The following LIMA1 variants were observed in gnomAD, a reference collection of about 807,000 sequenced individuals.
LIMA1 encodes the protein LIM domain and actin-binding protein 1.
A neutral mutation model predicts 62.6 loss-of-function variants in LIMA1; 52 were observed. The observed-to-expected ratio is 0.83, with a 90% CI of 0.67 to 1.05. The LOEUF (loss-of-function observed/expected upper bound fraction) is 1.05, where lower values mean the gene tolerates loss of function less well. Among genes scored for constraint, LIMA1 ranks in the 50% least tolerant of loss-of-function variants. The probability of loss-of-function intolerance (pLI) is 0.00; values close to 1 mark genes in which losing one functional copy is unlikely to be tolerated. For synonymous variants in LIMA1, 302 were observed against 317.8 expected, an observed-to-expected ratio of 0.95 and a Z score of 0.53; for missense variants, 780 against 902.2, an observed-to-expected ratio of 0.86 and a Z score of 1.74.
intron 2 of LIMA1, among the ~76,000 whole-genome samples, chr12:50,234,947 G>A (rs1941668962): frequency 6.6e-6 from 1 of 152,034 alleles, no homozygotes; most frequent in Admixed American, 6.6e-5. Flanking sequence ...GGAGGTTGAG[G>A]CTGCAGCGAG....
chr12:50,185,119 T>C (rs575083803), intron 9 of LIMA1, among the ~76,000 whole-genome samples: 2 of 152,194 alleles, frequency 1.3e-5, no homozygotes, highest in Non-Finnish European at 2.9e-5. Context: ...TGTGAGCCAC[T>C]GCGCCTGGCC....
At chr12:50,231,069 GT>G (rs34957964) in intron 3 of LIMA1, among the ~76,000 whole-genome samples, 2 of 152,096 alleles carry the variant, frequency 1.3e-5, no homozygotes, top group Admixed American at 6.6e-5. Flanking sequence ...AAACATATGA[GT>G]TTTTTTCCTC....
chr12:50,264,190 T>C (rs1271459402), intron 1 of LIMA1, among the ~76,000 whole-genome samples: 3 of 151,892 alleles, frequency 2.0e-5, no homozygotes, highest in Non-Finnish European at 4.4e-5. Flanking sequence ...GAAAAAGAAT[T>C]AGTGGTTGCC....
At chr12:50,211,583 T>A (rs1941258175) in intron 4 of LIMA1, among the ~76,000 whole-genome samples, 1 of 151,968 alleles carries the variant, frequency 6.6e-6, no homozygotes. Context: ...AAGTCGAGGC[T>A]GTAGTGACCT....
chr12:50,181,903 C>T lies in LIMA1; in HGVS notation c.1274+1G>A. On this transcript the variant is annotated splice_donor_variant, in intron 10 of 10. Coordinates refer to ENST00000341247, the MANE Select transcript of LIMA1 (RefSeq NM_016357.5). LOFTEE classifies it high-confidence loss of function. ...AGATGGCTTGTTTTGGGCTGACTTA[C>T]CTGAGTTTGTTGTTGCAATAGGAGC... 1 of 1,614,042 alleles carries T rather than the reference C, an allele frequency of 6.2e-7. No individual in the cohort carries two copies. Among genetic ancestry groups the T allele is most frequent in the Non-Finnish European group, 8.5e-7 (1 of 1,180,006 alleles).
intron 2 of LIMA1, among the ~76,000 whole-genome samples, chr12:50,235,164 G>C (rs932080716): frequency 3.3e-5 from 5 of 151,614 alleles, no homozygotes; most frequent in Admixed American, 1.3e-4. Flanking sequence ...AAACTCCTGA[G>C]CTCAAGTGAT....
At position 50,184,373 on chromosome 12, in the gene LIMA1, T is replaced by C. The variant is rs572875038; in HGVS notation, c.1141-2336A>G. 5.3e-4 allele frequency among the ~76,000 whole-genome samples: 80 copies of C among 152,358 alleles called. 2 individuals are homozygous for C. The South Asian group carries it at 0.016, about 30-fold the overall frequency. On this transcript the variant is annotated intron_variant, in intron 9 of 10. Coordinates refer to ENST00000341247, the MANE Select transcript of LIMA1 (RefSeq NM_016357.5). The stretch of plus-strand genomic sequence containing the variant: ...TAGGAGATACACTGGCCAGGTGCGA[T>C]GGCCCAGGCCTGTAATCCCAGCACT...
chr12:50,189,701 A>G (rs139167644), intron 9 of LIMA1: 9 of 152,310 alleles, frequency 5.9e-5, no homozygotes, highest in African/African-American at 1.9e-4. Flanking sequence ...GACGACTTTT[A>G]AAACTTGGGT....
chr12:50,230,555 GT>G (rs1338375047), intron 3 of LIMA1, among the ~76,000 whole-genome samples: 1 of 152,034 alleles, frequency 6.6e-6, no homozygotes, highest in East Asian at 1.9e-4. Context: ...AGTAATGGTA[GT>G]TTTTTCTTTT....
chr12:50,234,197 C>A (rs1188245617), intron 2 of LIMA1: 1 of 425,066 alleles, frequency 2.4e-6, no homozygotes, highest in Non-Finnish European at 4.7e-6. Flanking sequence ...AATCTCCAGA[C>A]CACCCAGAAC....
At chr12:50,193,196 G>A (rs1417246037) in intron 8 of LIMA1, among the ~76,000 whole-genome samples, 1 of 151,802 alleles carries the variant, frequency 6.6e-6, no homozygotes. Flanking sequence ...AAAATATTAA[G>A]GCTTATTTTT....
chr12:50,196,349 T>C (rs1940930621), intron 7 of LIMA1, among the ~76,000 whole-genome samples: 1 of 152,220 alleles, frequency 6.6e-6, no homozygotes, highest in African/African-American at 2.4e-5. Context: ...TACATCCTGC[T>C]GAAACGAGCT....
intron 1 of LIMA1, among the ~76,000 whole-genome samples, chr12:50,253,362 A>C (rs1941953946): frequency 6.6e-6 from 1 of 152,202 alleles, no homozygotes; most frequent in Non-Finnish European, 1.5e-5. Flanking sequence ...TCTTATATTT[A>C]TGGTAACGAA....
At chr12:50,258,926 G>T (rs1055628471) in intron 1 of LIMA1, among the ~76,000 whole-genome samples, 4 of 152,074 alleles carry the variant, frequency 2.6e-5, no homozygotes, top group Non-Finnish European at 2.9e-5. Flanking sequence ...GATTACAGGT[G>T]TGAGTCACCG....
intron 7 of LIMA1, among the ~76,000 whole-genome samples, chr12:50,197,153 C>T (rs1027680196): frequency 3.3e-5 from 5 of 151,396 alleles, no homozygotes; most frequent in African/African-American, 1.2e-4. Flanking sequence ...TCACTGCAAC[C>T]TCTGCCTCCT....
rs759728951 is a variant in LIMA1, at chr12:50,177,299, T to C, written c.2045A>G (p.Asn682Ser). Reference protein sequence around the residue: ...LEMENENLVENGADSDEDDNS... With the variant: ...LEMENENLVESGADSDEDDNS... The stretch of plus-strand genomic sequence containing the variant: ...ATCATCTTCATCGGAGTCTGCACCA[T>C]TTTCTACAAGATTCTCATTCTCCAT... Residue 682 changes from asparagine (N) to serine (S), a missense_variant, in exon 11 of 11, where the codon AAT becomes AGT. By Grantham distance (46) the Asn-to-Ser change is conservative. Coordinates refer to ENST00000341247, the MANE Select transcript of LIMA1 (RefSeq NM_016357.5). The C allele has an allele frequency of 6.2e-6, 10 of 1,614,206 alleles. No homozygotes were observed. The highest frequency in any genetic ancestry group is 8.5e-6 in the Non-Finnish European group (10 of 1,180,034).
At chr12:50,226,700 G>A (rs922419012) in intron 3 of LIMA1, among the ~76,000 whole-genome samples, 4 of 152,040 alleles carry the variant, frequency 2.6e-5, no homozygotes, top group Non-Finnish European at 4.4e-5. Context: ...TTAGGTGGGC[G>A]TGGTGGCGTG....
At chr12:50,260,273 G>A (rs1335378030) in intron 1 of LIMA1, among the ~76,000 whole-genome samples, 5 of 151,560 alleles carry the variant, frequency 3.3e-5, no homozygotes, top group African/African-American at 1.2e-4. Flanking sequence ...TCAGCCTTCC[G>A]AATAGCTGGG....
At chr12:50,200,327 C>G (rs1222444221) in intron 7 of LIMA1, among the ~76,000 whole-genome samples, 1 of 152,144 alleles carries the variant, frequency 6.6e-6, no homozygotes, top group Non-Finnish European at 1.5e-5. Flanking sequence ...CCACAGCCTC[C>G]CGAGCAGCTG....
Sources: gnomAD v4.1 joint callset for allele counts (sites outside exome capture counted in the v4.1 genomes callset) on GRCh38, gnomAD v4.1.1 for gene constraint, MANE v1.5 for transcripts, NCBI Gene and HGNC (gene_info 2026-07-23, HGNC 2026-07-21) for gene names.